EIF2B3: variants seen among roughly 807,000 people sequenced by gnomAD.
The protein encoded by EIF2B3 is eukaryotic translation initiation factor 2B subunit gamma, also known as translation initiation factor eIF2B subunit gamma.
Under a neutral mutation model 54.1 loss-of-function variants are expected in EIF2B3, and 20 were observed. The ratio of observed to expected loss-of-function variants is 0.37; its 90% CI spans 0.26 to 0.54. EIF2B3 has a LOEUF of 0.54. Among genes scored for constraint, EIF2B3 ranks in the 20% least tolerant of loss-of-function variants. The probability of loss-of-function intolerance (pLI) is 0.86; values close to 1 mark genes in which losing one functional copy is unlikely to be tolerated. For missense variants in EIF2B3, 448 were observed against 547.8 expected, an observed-to-expected ratio of 0.82 and a Z score of 1.82; for synonymous variants, 153 against 188.1, an observed-to-expected ratio of 0.81 and a Z score of 1.52.
At chr1:44,899,838 T>C (rs1294597529) in intron 5 of EIF2B3, among the ~76,000 whole-genome samples, 1 of 152,184 alleles carries the variant, frequency 6.6e-6, no homozygotes, top group Non-Finnish European at 1.5e-5. Context: ...TGGGTATATA[T>C]CCAAAGGAAA....
At chr1:44,890,857 A>G (rs1655773405) in intron 6 of EIF2B3, among the ~76,000 whole-genome samples, 1 of 152,176 alleles carries the variant, frequency 6.6e-6, no homozygotes, top group African/African-American at 2.4e-5. Context: ...TTCACAAAAC[A>G]GCCTGACTTC....
intron 3 of EIF2B3, among the ~76,000 whole-genome samples, chr1:44,973,002 T>C (rs576370754): frequency 3.3e-5 from 5 of 152,186 alleles, no homozygotes; most frequent in South Asian, 2.1e-4. Context: ...GATTGCGCCA[T>C]GGCACTCCAA....
At chr1:44,890,334 C>A (rs1292804159) in intron 6 of EIF2B3, among the ~76,000 whole-genome samples, 1 of 152,144 alleles carries the variant, frequency 6.6e-6, no homozygotes, top group Non-Finnish European at 1.5e-5. Context: ...AATCTTACAA[C>A]TACTGGATCT....
chr1:44,936,946 A>G (rs754268319), intron 4 of EIF2B3, among the ~76,000 whole-genome samples: 1 of 152,198 alleles, frequency 6.6e-6, no homozygotes, highest in Non-Finnish European at 1.5e-5. Context: ...AAGAAAATGA[A>G]ATTCATGAAG....
At chr1:44,977,698 C>CA (rs1387723722) in intron 3 of EIF2B3, among the ~76,000 whole-genome samples, 2 of 152,170 alleles carry the variant, frequency 1.3e-5, no homozygotes, top group Admixed American at 1.3e-4. Context: ...CTCCTGACCT[C>CA]AAGTGATCCA....
chr1:44,937,536 T>A (rs1456880490), intron 4 of EIF2B3, among the ~76,000 whole-genome samples: 3 of 152,154 alleles, frequency 2.0e-5, no homozygotes, highest in African/African-American at 7.2e-5. Flanking sequence ...TTGGAATATA[T>A]GTGTTCGGAG....
chr1:44,947,973 C>A (rs1271321232), intron 3 of EIF2B3, among the ~76,000 whole-genome samples: 1 of 152,112 alleles, frequency 6.6e-6, no homozygotes, highest in Non-Finnish European at 1.5e-5. Context: ...TCCCAAAATG[C>A]TGGGATTACA....
intron 5 of EIF2B3, among the ~76,000 whole-genome samples, chr1:44,918,516 G>A (rs1333055925): frequency 1.3e-5 from 2 of 151,678 alleles, no homozygotes; most frequent in Admixed American, 1.3e-4. Flanking sequence ...CAGCCTCCTG[G>A]GTAGCTGGGA....
chr1:44,866,711 C>T (rs1215523536), intron 10 of EIF2B3, among the ~76,000 whole-genome samples: 7 of 152,126 alleles, frequency 4.6e-5, no homozygotes, highest in Admixed American at 2.6e-4. Flanking sequence ...CACACCACCA[C>T]GCCCAGCTAA....
At chr1:44,981,815 T>G (rs1466064601) in intron 1 of EIF2B3, among the ~76,000 whole-genome samples, 3 of 151,650 alleles carry the variant, frequency 2.0e-5, no homozygotes, top group Admixed American at 2.0e-4. Context: ...CTTGTGCCTA[T>G]GGTTCCAGCT....
chr1:44,874,720 A>G lies in EIF2B3; in HGVS notation c.1160T>C (p.Ile387Thr), dbSNP rs755472775. 5.6e-6 allele frequency: 9 copies of G among 1,614,032 alleles called. No individual in the cohort carries two copies. The Admixed American group carries it at 1.5e-4, about 27-fold the overall frequency. Residue 387 changes from isoleucine (I) to threonine (T), a missense_variant, in exon 10 of 12, where the codon ATT becomes ACT. Coordinates refer to ENST00000360403, the MANE Select transcript of EIF2B3 (RefSeq NM_020365.5). Reference protein sequence around the residue: ...SSCLIKDRVTITNCLLMNSVT... With the variant: ...SSCLIKDRVTTTNCLLMNSVT... Reference sequence around the variant, plus strand: ...TGAGTTCATGAGAAGGCAATTGGTAATAGTCACTCTATCTTTTATGAGACA... The same window carrying G: ...TGAGTTCATGAGAAGGCAATTGGTAGTAGTCACTCTATCTTTTATGAGACA...
At chr1:44,894,008 G>A (rs1285856631) in intron 6 of EIF2B3, among the ~76,000 whole-genome samples, 5 of 152,036 alleles carry the variant, frequency 3.3e-5, no homozygotes, top group Admixed American at 6.6e-5. Flanking sequence ...GACAATCTAG[G>A]GCCCTGACTC....
chr1:44,875,771 C>G (rs1655107182), intron 8 of EIF2B3, 76 bp from the exon 9 acceptor site: 2 of 1,126,114 alleles, frequency 1.8e-6, no homozygotes, highest in Non-Finnish European at 2.7e-6. Flanking sequence ...CCCTCTACCT[C>G]TCCCACTCCC....
intron 5 of EIF2B3, among the ~76,000 whole-genome samples, chr1:44,921,252 T>C (rs1240078124): frequency 6.6e-6 from 1 of 152,240 alleles, no homozygotes; most frequent in African/African-American, 2.4e-5. Context: ...TTTTCTCCTA[T>C]AGAGTTGTTT....
intron 3 of EIF2B3, among the ~76,000 whole-genome samples, chr1:44,946,894 A>T (rs548551615): frequency 6.6e-6 from 1 of 152,226 alleles, no homozygotes; most frequent in African/African-American, 2.4e-5. Flanking sequence ...AGAAAAACTG[A>T]TAAGACCCAG....
intron 6 of EIF2B3, among the ~76,000 whole-genome samples, chr1:44,887,095 G>C (rs1655614854): frequency 2.0e-5 from 3 of 152,166 alleles, no homozygotes; most frequent in Admixed American, 1.3e-4. Context: ...CCAAGGATTT[G>C]TGTTTTGAGC....
intron 4 of EIF2B3, among the ~76,000 whole-genome samples, chr1:44,935,538 T>G (rs1414776143): frequency 6.6e-6 from 1 of 152,164 alleles, no homozygotes; most frequent in African/African-American, 2.4e-5. Context: ...CTTGCTCTGT[T>G]GCCCAGGGTG....
At chr1:44,969,428 G>C (rs1644379158) in intron 3 of EIF2B3, among the ~76,000 whole-genome samples, 1 of 152,104 alleles carries the variant, frequency 6.6e-6, no homozygotes, top group South Asian at 2.1e-4. Flanking sequence ...AAAACATGCT[G>C]AAATTATATT....
Position 44,881,713 on chromosome 1 carries a change from A to C in EIF2B3, c.683T>G (p.Leu228Arg). 1 of 1,614,198 alleles carries C rather than the reference A, an allele frequency of 6.2e-7. No homozygotes were observed. Among genetic ancestry groups the C allele is most frequent in the Non-Finnish European group, 8.5e-7 (1 of 1,180,006 alleles). ...NGSITSIRSE[L>R]IPYLVRKQFS... ...CTGTTTTCTCACTAAATATGGAATCAGTTCACTCCGGATAGAAGTTATTGA... is the reference window on the plus strand; with the variant it reads ...CTGTTTTCTCACTAAATATGGAATCCGTTCACTCCGGATAGAAGTTATTGA... Residue 228 changes from leucine to arginine, a missense_variant, in exon 7 of 12, where the codon CTG becomes CGG. By Grantham distance (102) the Leu-to-Arg change is moderately radical (BLOSUM62 -2). Coordinates refer to ENST00000360403, the MANE Select transcript of EIF2B3 (RefSeq NM_020365.5). The surrounding 1 kb of genome is among the most constrained non-coding windows in gnomAD (Gnocchi z 4.0).
Sources: allele counts gnomAD v4.1 joint callset (sites outside exome capture counted in the v4.1 genomes callset), GRCh38; gene constraint gnomAD v4.1.1; non-coding constraint Gnocchi (gnomAD v3.1); transcripts MANE v1.5; gene names NCBI Gene and HGNC (gene_info 2026-07-23, HGNC 2026-07-21).